The following PRR5 variants were observed in gnomAD, a reference collection of about 807,000 sequenced individuals.
PRR5 encodes the protein proline rich 5.
A neutral mutation model predicts 30.6 loss-of-function variants in PRR5; 25 were observed. That is an observed-to-expected ratio of 0.82 (90% CI 0.60 to 1.14). The LOEUF is 1.14. Ranked by LOEUF, PRR5 falls within the 50% of genes most tolerant of loss-of-function variation. PRR5 has a pLI of 0.00. For missense variants in PRR5, 600 were observed against 547.1 expected (o/e 1.10, Z -0.96); for synonymous variants, 286 against 247.1 (o/e 1.16, Z -1.48).
intron 1 of PRR5, among the ~76,000 whole-genome samples, chr22:44,703,059 C>T (rs1033760244): frequency 6.6e-6 from 1 of 152,204 alleles, no homozygotes; most frequent in Non-Finnish European, 1.5e-5. Flanking sequence ...AAGCTCCCTT[C>T]GGCTTTCCCT....
chr22:44,720,261 TACTTG>T (rs1929726743), intron 2 of PRR5, among the ~76,000 whole-genome samples: 2 of 152,372 alleles, frequency 1.3e-5, no homozygotes, highest in African/African-American at 2.4e-5. Context: ...GGATTTAAGC[TACTTG>T]ACTTTGAAGT....
In PRR5 at chr22:44,735,176, T is replaced by G; in HGVS notation, c.691+14T>G. On this transcript the variant is annotated intron_variant, in intron 7 of 7. Transcript: ENST00000336985. The stretch of plus-strand genomic sequence containing the variant: ...CCTGCATCCTGGGTAGGGGTCCGCC[T>G]GGGCCTTGGGCTGGGGCAGGGGTGA... 1 of 1,609,556 alleles carries G rather than the reference T, an allele frequency of 6.2e-7. No homozygotes were observed. Among genetic ancestry groups the G allele is most frequent in the Non-Finnish European group, 8.5e-7 (1 of 1,178,422 alleles).
chr22:44,685,132 G>A (rs1924630429), intron 1 of PRR5, among the ~76,000 whole-genome samples: 1 of 152,190 alleles, frequency 6.6e-6, no homozygotes, highest in African/African-American at 2.4e-5. Flanking sequence ...GAAAAATGTG[G>A]GTGGAAATTC....
At chr22:44,671,102 G>A (rs994440099) in intron 1 of PRR5, among the ~76,000 whole-genome samples, 27 of 152,204 alleles carry the variant, frequency 1.8e-4, no homozygotes, top group Admixed American at 1.7e-3. Context: ...CTGTGTGAAT[G>A]TGGTGCTATC....
intron 7 of PRR5, among the ~76,000 whole-genome samples, 198 bp downstream of exon 7, chr22:44,735,360 G>A (rs1407002779): frequency 5.3e-5 from 8 of 152,250 alleles, no homozygotes; most frequent in Non-Finnish European, 1.0e-4. Flanking sequence ...CACCCTGAGC[G>A]GTGATGTGGC....
intron 3 of PRR5, 114 bp from the exon 4 acceptor site, chr22:44,726,462 CT>C (rs1236782507): frequency 2.7e-6 from 4 of 1,478,660 alleles, no homozygotes; most frequent in Non-Finnish European, 3.7e-6. Flanking sequence ...AGTGAGTCTC[CT>C]CCCCCTTTAA....
At chr22:44,700,928 G>A (rs1463603981), upstream of PRR5, among the ~76,000 whole-genome samples, 1 of 152,110 alleles carries the variant, frequency 6.6e-6, no homozygotes, top group East Asian at 1.9e-4. Flanking sequence ...TGTTGCCCAG[G>A]CTGGAGTGCA....
intron 1 of PRR5, among the ~76,000 whole-genome samples, chr22:44,713,690 C>T (rs62228463): frequency 0.035 from 5,394 of 152,298 alleles, 113 homozygotes; most frequent in Non-Finnish European, 0.045. Flanking sequence ...CCCATCACAC[C>T]AGTCACGTTG....
At chr22:44,719,683 T>C (rs1929639708) in intron 2 of PRR5, among the ~76,000 whole-genome samples, 1 of 152,160 alleles carries the variant, frequency 6.6e-6, no homozygotes, top group Non-Finnish European at 1.5e-5. Context: ...TGGCTCATAC[T>C]GTTCTGCTTT....
chr22:44,701,061 T>A (rs1926228956), upstream of PRR5, among the ~76,000 whole-genome samples: 1 of 136,432 alleles, frequency 7.3e-6, no homozygotes, highest in Admixed American at 8.0e-5. Context: ...TTTGTATTTT[T>A]AATAGAGATG....
upstream of PRR5, among the ~76,000 whole-genome samples, chr22:44,699,260 C>A (rs1040611445): frequency 6.6e-6 from 1 of 152,196 alleles, no homozygotes; most frequent in Admixed American, 6.5e-5. Flanking sequence ...GATTTCTTAT[C>A]CCAAGCAGTC....
chr22:44,702,545 C>T lies in PRR5; in HGVS notation c.71C>T (p.Ala24Val). ...AGTGACCTGGGCAAGAGAGAGCCGG[C>T]CGCCGCCGCGGACGAGCGGGGCACG... is the stretch of plus-strand genomic sequence containing the variant. The part of the protein sequence containing the change: ...SLSDLGKREP[A>V]AAADERGTQQ... The change falls in exon 1 of 8, where the codon GCC becomes GTC. Residue 24 changes from alanine to valine, a missense_variant. Transcript: ENST00000336985. 1 of 1,448,308 alleles carries T rather than the reference C, an allele frequency of 6.9e-7. No individual in the cohort carries two copies. Among genetic ancestry groups the T allele is most frequent in the Non-Finnish European group, 9.1e-7 (1 of 1,099,376 alleles). 89.7% of individuals were successfully genotyped at this position (1,448,308 alleles called of 1,614,324 possible).
chr22:44,711,586 C>T (rs1928244150), intron 1 of PRR5, among the ~76,000 whole-genome samples: 1 of 152,186 alleles, frequency 6.6e-6, no homozygotes, highest in Non-Finnish European at 1.5e-5. Flanking sequence ...TCACTGAGGA[C>T]AGCAGGGCTG....
intron 6 of PRR5, among the ~76,000 whole-genome samples, chr22:44,732,758 A>C (rs1376408018): frequency 6.6e-6 from 1 of 150,466 alleles, no homozygotes; most frequent in Non-Finnish European, 1.5e-5. Flanking sequence ...GTGCACGCAC[A>C]CGCTACACAC....
Position 44,736,925 on chromosome 22 carries a change from CTG to C in PRR5, c.849_850del (p.Ser284GlyfsTer46), listed in dbSNP as rs777209182. On this transcript the variant is annotated frameshift_variant, in exon 8 of 8. Coordinates refer to ENST00000336985, the MANE Select transcript of PRR5 (RefSeq NM_181333.4). LOFTEE classifies it low-confidence loss of function (END_TRUNC). ...GGCGGTACCAGCATCCGCAGGCACT[CTG>C]TGTCGGAGATGACGTCCTGCCCCGA... 4 of 1,607,850 alleles carry C rather than the reference CTG, an allele frequency of 2.5e-6. No homozygotes were observed. The highest frequency in any genetic ancestry group is 1.7e-5 in the Admixed American group (1 of 59,936).
At chr22:44,676,390 C>CA (rs59016907), upstream of PRR5, among the ~76,000 whole-genome samples, 2,767 of 36,682 alleles carry the variant, frequency 0.075, 221 homozygotes, top group African/African-American at 0.11. Context: ...GACCCTGTCT[C>CA]AAAAAAAAAA....
At chr22:44,670,525 T>G (rs931886995) in intron 1 of PRR5, among the ~76,000 whole-genome samples, 2 of 152,298 alleles carry the variant, frequency 1.3e-5, no homozygotes, top group East Asian at 3.9e-4. Context: ...TCCAAAGAAG[T>G]GTGGTACCCC....
chr22:44,714,336 CCA>C (rs1295129611), intron 1 of PRR5, among the ~76,000 whole-genome samples: 1 of 152,156 alleles, frequency 6.6e-6, no homozygotes, highest in African/African-American at 2.4e-5. Context: ...TGAGGTTTGG[CCA>C]CATAGTGTGT....
intron 1 of PRR5, among the ~76,000 whole-genome samples, chr22:44,678,429 CTCAG>C (rs1171410660): frequency 6.6e-6 from 1 of 151,800 alleles, no homozygotes; most frequent in Non-Finnish European, 1.5e-5. Context: ...ATTCTTCTGC[CTCAG>C]CCTCCCAAGT....
Sources: allele counts gnomAD v4.1 joint callset (sites outside exome capture counted in the v4.1 genomes callset), GRCh38; gene constraint gnomAD v4.1.1; transcripts MANE v1.5; gene names NCBI Gene and HGNC (gene_info 2026-07-23, HGNC 2026-07-21).